PAQR3: variants seen among roughly 807,000 people sequenced by gnomAD.
PAQR3 encodes progestin and adipoQ receptor family member 3.
In PAQR3, 39 loss-of-function variants were observed where a neutral mutation model predicts 41.7. The observed-to-expected ratio is 0.93, with a 90% CI of 0.72 to 1.22. The LOEUF is 1.22. Among genes scored for constraint, PAQR3 ranks in the 50% most tolerant of loss-of-function variants. The probability of loss-of-function intolerance (pLI) is 0.00; values close to 1 mark genes in which losing one functional copy is unlikely to be tolerated. For missense variants in PAQR3, 366 were observed against 385.6 expected, an observed-to-expected ratio of 0.95 and a Z score of 0.42; for synonymous variants, 140 against 140.6, an observed-to-expected ratio of 1.00 and a Z score of 0.03.
At chr4:78,923,656 C>T (rs1735888729) in intron 5 of PAQR3, 1 of 589,694 alleles carries the variant, frequency 1.7e-6, no homozygotes, top group Non-Finnish European at 3.0e-6. Context: ...ACAACACCAC[C>T]TACTGGACTC....
Position 78,919,442 on chromosome 4 carries a change from T to C in PAQR3, c.*1097A>G, listed in dbSNP as rs1255574463. 1 of 984,598 alleles carries C rather than the reference T, an allele frequency of 1.0e-6. No individual in the cohort carries two copies. The highest frequency in any genetic ancestry group is 1.7e-5 in the African/African-American group (1 of 57,176). 61.0% of individuals were successfully genotyped at this position (984,598 alleles called of 1,614,324 possible). On this transcript the variant is annotated 3_prime_UTR_variant, in exon 6 of 6. Coordinates refer to ENST00000512733, the MANE Select transcript of PAQR3 (RefSeq NM_001040202.2). ...AAGTATATACAATAAAAAGAAAGTT[T>C]AATGCTTCAGGCCCAAATATTAAGT... is the stretch of plus-strand genomic sequence containing the variant.
intron 11 of PAQR3, among the ~76,000 whole-genome samples, chr4:78,897,291 G>C (rs1352255745): frequency 6.6e-6 from 1 of 151,962 alleles, no homozygotes; most frequent in Non-Finnish European, 1.5e-5. Context: ...TACAACATTA[G>C]TTGTAGAAAC....
At chr4:78,933,983 G>A (rs1369845687) in intron 2 of PAQR3, among the ~76,000 whole-genome samples, 1 of 152,050 alleles carries the variant, frequency 6.6e-6, no homozygotes, top group African/African-American at 2.4e-5. Flanking sequence ...ATACTAAGAT[G>A]CACCTAAAAA....
rs921287941 is a variant in PAQR3, at chr4:78,939,312, C to T, written c.-88G>A. ...GGGGCTTCGCCGCTGGCGCCCCCGC[C>T]CCGGAGCCCGCGGACGCTGCGCGAG... On this transcript the variant is annotated 5_prime_UTR_variant, in exon 1 of 6. Coordinates refer to ENST00000512733, the MANE Select transcript of PAQR3 (RefSeq NM_001040202.2). 2.3e-6 allele frequency: 3 copies of T among 1,288,912 alleles called. No homozygotes were observed. The highest frequency in any genetic ancestry group is 3.1e-6 in the Non-Finnish European group (3 of 977,636). The allele number at this position is 1,288,912 out of a possible 1,614,324, so 79.8% of individuals were successfully genotyped here. A position where few individuals can be genotyped will look rare whatever the true frequency, so the allele number is the denominator to read the frequency against.
At chr4:78,900,494 G>A (rs779984377) in intron 11 of PAQR3, among the ~76,000 whole-genome samples, 28 of 152,150 alleles carry the variant, frequency 1.8e-4, no homozygotes, top group Admixed American at 6.6e-5. Context: ...AAAAATGAGA[G>A]TCTAACAAGA....
intron 2 of PAQR3, among the ~76,000 whole-genome samples, chr4:78,933,590 G>C (rs1374220056): frequency 6.6e-6 from 1 of 152,204 alleles, no homozygotes; most frequent in African/African-American, 2.4e-5. Flanking sequence ...AAGTAGGGAA[G>C]ATGTGCTCAT....
intron 11 of PAQR3, among the ~76,000 whole-genome samples, chr4:78,890,691 C>T (rs1733386638): frequency 6.6e-6 from 1 of 152,074 alleles, no homozygotes; most frequent in Admixed American, 6.5e-5. Flanking sequence ...TTTAAGGTGG[C>T]TATCATTTTC....
rs557130261 is a variant in PAQR3 at position 78,900,265 on chromosome 4, T to C, written c.*836+5843A>G. 4.3e-4 allele frequency among the ~76,000 whole-genome samples: 65 copies of C among 152,306 alleles called. No individual in the cohort carries two copies. The South Asian group carries it at 0.013, about 30-fold the overall frequency. On this transcript the variant is annotated intron_variant and NMD_transcript_variant, in intron 11 of 12. Coordinates refer to the PAQR3 transcript ENST00000342820. ...TATAACATTCAAAATATGTTATTAG[T>C]TGATTATGTTATCAGCAAGGCTTCT...
At chr4:78,889,278 T>C (rs556075085) in intron 11 of PAQR3, among the ~76,000 whole-genome samples, 1 of 150,668 alleles carries the variant, frequency 6.6e-6, no homozygotes, top group South Asian at 2.1e-4. Context: ...TAAAGAAATC[T>C]TTTTAAACAG....
chr4:78,904,061 A>G (rs12647653), intron 11 of PAQR3, among the ~76,000 whole-genome samples: 10,501 of 152,030 alleles, frequency 0.069, 508 homozygotes, highest in East Asian at 0.22. Flanking sequence ...TATAATTGGA[A>G]TTATGAAAGA....
chr4:78,892,069 A>G (rs1447295010), intron 11 of PAQR3, among the ~76,000 whole-genome samples: 1 of 152,132 alleles, frequency 6.6e-6, no homozygotes, highest in Non-Finnish European at 1.5e-5. Flanking sequence ...TTTCCTTGTA[A>G]TCTGTCAGGC....
chr4:78,908,254 A>G (rs1734385523), downstream of PAQR3, among the ~76,000 whole-genome samples: 1 of 152,224 alleles, frequency 6.6e-6, no homozygotes, highest in Non-Finnish European at 1.5e-5. Flanking sequence ...ACTCATGTCA[A>G]CATTGCCAAC....
rs1735349535 is a variant in PAQR3 at position 78,918,722 on chromosome 4, TATA to T, written c.*1814_*1816del. The T allele has an allele frequency of 1.0e-6, 1 of 972,360 alleles. No homozygotes were observed. The highest frequency in any genetic ancestry group is 1.2e-6 in the Non-Finnish European group (1 of 818,296). 60.2% of individuals were successfully genotyped at this position (972,360 alleles called of 1,614,324 possible). A position where few individuals can be genotyped will look rare whatever the true frequency, so the allele number is the denominator to read the frequency against. On this transcript the variant is annotated 3_prime_UTR_variant, in exon 6 of 6. Coordinates refer to ENST00000512733, the MANE Select transcript of PAQR3 (RefSeq NM_001040202.2). ...ATGTTTTTTTATTTTGAGAAAGTTT[TATA>T]ATAAAAATGGCTCCACACCTAAAAT...
At chr4:78,900,003 C>T (rs1733909978) in intron 11 of PAQR3, among the ~76,000 whole-genome samples, 1 of 152,138 alleles carries the variant, frequency 6.6e-6, no homozygotes, top group African/African-American at 2.4e-5. Context: ...GATCCTTGAA[C>T]AACACGGGTT....
intron 12 of PAQR3, chr4:78,887,361 G>A: frequency 3.8e-6 from 4 of 1,047,134 alleles, no homozygotes; most frequent in Non-Finnish European, 5.8e-6. Context: ...TAAAGTGGAA[G>A]TAAGACTCTG....
downstream of PAQR3, among the ~76,000 whole-genome samples, chr4:78,907,568 T>C (rs1211801544): frequency 6.6e-6 from 1 of 152,202 alleles, no homozygotes; most frequent in Non-Finnish European, 1.5e-5. Flanking sequence ...TAGTTGGTTT[T>C]AAAGGTTAAC....
Position 78,923,857 on chromosome 4 carries a change from C to T in PAQR3, c.793G>A (p.Gly265Arg), listed in dbSNP as rs1340494015. The T allele has an allele frequency of 6.2e-7, 1 of 1,601,838 alleles. No individual in the cohort carries two copies. The highest frequency in any genetic ancestry group is 1.3e-5 in the African/African-American group (1 of 74,584). The change falls in exon 5 of 6, where the codon GGA (glycine) becomes AGA (arginine). Residue 265 changes from glycine to arginine, a missense_variant and splice_region_variant. Gly to Arg is a moderately radical substitution (Grantham distance 125). Coordinates refer to ENST00000512733, the MANE Select transcript of PAQR3 (RefSeq NM_001040202.2). ...AAACTGCTATAAAAGAGATACCTAC[C>T]TGGAAAGTACCGCTCTGGGACTTTG... is the stretch of plus-strand genomic sequence containing the variant. ...ISKVPERYFP[G>R]QLNYLGSSHQ... is the part of the protein sequence containing the mutation.
Position 78,935,225 on chromosome 4 carries a change from G to C in PAQR3, c.244C>G (p.Leu82Val). Residue 82 changes from leucine to valine, a missense_variant, in exon 2 of 6, where the codon CTC becomes GTC. Physicochemically the swap from Leu to Val is conservative, Grantham distance 32. Coordinates refer to ENST00000512733, the MANE Select transcript of PAQR3 (RefSeq NM_001040202.2). ...TCATATATTCCCAGGGTGAAGAAGA[G>C]AAAGAAACCCAGCAAATGACTCCAG... is the stretch of plus-strand genomic sequence containing the variant. Reference protein sequence around the residue: ...NIWSHLLGFFLFFTLGIYDMT... With the variant: ...NIWSHLLGFFVFFTLGIYDMT... 6.2e-6 allele frequency: 10 copies of C among 1,613,668 alleles called. No homozygotes were observed. Among genetic ancestry groups the C allele is most frequent in the Non-Finnish European group, 8.5e-6 (10 of 1,179,744 alleles).
At chr4:78,932,573 C>A (rs1337081388) in intron 2 of PAQR3, among the ~76,000 whole-genome samples, 6 of 152,080 alleles carry the variant, frequency 3.9e-5, no homozygotes, top group Admixed American at 2.6e-4. Flanking sequence ...ACGCAAATGT[C>A]CAATGTGGTT....
Sources: gnomAD v4.1 joint callset for allele counts (sites outside exome capture counted in the v4.1 genomes callset) on GRCh38, gnomAD v4.1.1 for gene constraint, MANE v1.5 for transcripts, NCBI Gene and HGNC (gene_info 2026-07-23, HGNC 2026-07-21) for gene names.